The following CTNNA3 variants were observed in gnomAD, a reference collection of about 807,000 sequenced individuals.
The protein encoded by CTNNA3 is catenin alpha 3.
Under a neutral mutation model 95.7 loss-of-function variants are expected in CTNNA3, and 76 were observed. The ratio of observed to expected loss-of-function variants is 0.79; its 90% CI spans 0.66 to 0.96. The LOEUF is 0.96. CTNNA3 is among the 40% of genes least tolerant of loss of function. The pLI, the probability that CTNNA3 is intolerant of heterozygous loss-of-function variation, is 0.00. For synonymous variants in CTNNA3, 431 were observed against 374.4 expected (o/e 1.15, Z -1.74); for missense variants, 1,191 against 1,089.8 (o/e 1.09, Z -1.31).
intron 13 of CTNNA3, among the ~76,000 whole-genome samples, chr10:66,147,957 T>C (rs575443364): frequency 4.6e-4 from 70 of 151,740 alleles, no homozygotes; most frequent in African/African-American, 1.7e-3. Context: ...CATCACCATA[T>C]ACTTAGTCAC....
At chr10:66,331,536 T>G (rs565871219) in intron 12 of CTNNA3, among the ~76,000 whole-genome samples, 39 of 151,620 alleles carry the variant, frequency 2.6e-4, no homozygotes, top group African/African-American at 8.7e-4. Flanking sequence ...GTATTTTTAG[T>G]AGAGACGGGG....
chr10:67,588,513 A>G (rs1413251268), intron 3 of CTNNA3, among the ~76,000 whole-genome samples: 1 of 149,132 alleles, frequency 6.7e-6, no homozygotes, highest in Non-Finnish European at 1.5e-5. Flanking sequence ...TTATTAGTGG[A>G]GACTGTATTG....
intron 5 of CTNNA3, among the ~76,000 whole-genome samples, chr10:67,357,472 G>A (rs1393640073): frequency 6.6e-6 from 1 of 151,954 alleles, no homozygotes; most frequent in Non-Finnish European, 1.5e-5. Flanking sequence ...AGACACTAGA[G>A]TAAACTTAAT....
intron 10 of CTNNA3, among the ~76,000 whole-genome samples, chr10:66,547,181 G>A (rs1235530757): frequency 1.3e-5 from 2 of 151,830 alleles, no homozygotes; most frequent in African/African-American, 4.8e-5. Flanking sequence ...CTAGCCAGGA[G>A]TCACAAATGT....
intron 9 of CTNNA3, among the ~76,000 whole-genome samples, chr10:66,654,392 A>G (rs542165672): frequency 6.6e-6 from 1 of 152,242 alleles, no homozygotes; most frequent in African/African-American, 2.4e-5. Context: ...GTAAATTAAA[A>G]CTGCAATGAG....
chr10:67,077,549 C>T (rs1009551692), intron 7 of CTNNA3, among the ~76,000 whole-genome samples: 2 of 152,086 alleles, frequency 1.3e-5, no homozygotes, highest in African/African-American at 2.4e-5. Flanking sequence ...AAGCATGCTT[C>T]CTCCCACTTT....
At chr10:66,495,355 T>A (rs1464258396) in intron 11 of CTNNA3, among the ~76,000 whole-genome samples, 1 of 152,108 alleles carries the variant, frequency 6.6e-6, no homozygotes, top group Non-Finnish European at 1.5e-5. Context: ...GATATTAAAC[T>A]TTATTTTAAA....
chr10:67,655,948 A>C (rs1445819443), intron 1 of CTNNA3, among the ~76,000 whole-genome samples: 1 of 152,198 alleles, frequency 6.6e-6, no homozygotes, highest in Non-Finnish European at 1.5e-5. Flanking sequence ...TCATCACAAG[A>C]AGATTTAAGT....
intron 9 of CTNNA3, among the ~76,000 whole-genome samples, chr10:66,704,809 T>C (rs1345510191): frequency 6.6e-6 from 1 of 152,188 alleles, no homozygotes; most frequent in Non-Finnish European, 1.5e-5. Context: ...TTCCATCATA[T>C]TTTCTACATA....
At chr10:66,524,634 G>C (rs189809759) in intron 10 of CTNNA3, among the ~76,000 whole-genome samples, 14 of 152,276 alleles carry the variant, frequency 9.2e-5, no homozygotes, top group African/African-American at 3.4e-4. Context: ...TTTCTGTAAA[G>C]AGCAGCCATC....
intron 5 of CTNNA3, among the ~76,000 whole-genome samples, chr10:67,365,442 C>T (rs1843173026): frequency 6.6e-6 from 1 of 151,946 alleles, no homozygotes; most frequent in African/African-American, 2.4e-5. Flanking sequence ...ACAGGCAACC[C>T]ACATAAAGGG....
At chr10:67,449,114 C>T (rs1476993323) in intron 5 of CTNNA3, among the ~76,000 whole-genome samples, 1 of 151,902 alleles carries the variant, frequency 6.6e-6, no homozygotes, top group Non-Finnish European at 1.5e-5. Flanking sequence ...CCTAGGAATA[C>T]AGCTAACAAG....
chr10:67,150,421 A>G, intron 7 of CTNNA3, among the ~76,000 whole-genome samples: 1 of 152,180 alleles, frequency 6.6e-6, no homozygotes, highest in East Asian at 1.9e-4. Context: ...TATTTTGGCC[A>G]TTTGCTTAAA....
At chr10:66,009,335 A>T (rs980336670) in intron 15 of CTNNA3, among the ~76,000 whole-genome samples, 3 of 152,148 alleles carry the variant, frequency 2.0e-5, no homozygotes, top group Non-Finnish European at 2.9e-5. Context: ...AATGGGTCGC[A>T]CTTAAGGAGG....
chr10:67,491,424 T>C, intron 5 of CTNNA3, among the ~76,000 whole-genome samples: 1 of 152,188 alleles, frequency 6.6e-6, no homozygotes, highest in East Asian at 1.9e-4. Flanking sequence ...GATAAAAGTA[T>C]ACAGGAAATC....
At chr10:65,927,876 T>G (rs1201262687) in intron 17 of CTNNA3, among the ~76,000 whole-genome samples, 1 of 152,202 alleles carries the variant, frequency 6.6e-6, no homozygotes, top group Non-Finnish European at 1.5e-5. Context: ...TAACAAACTG[T>G]TGACCAAAGT....
chr10:67,040,097 C>T (rs1408413876), intron 7 of CTNNA3, among the ~76,000 whole-genome samples: 1 of 152,106 alleles, frequency 6.6e-6, no homozygotes, highest in Non-Finnish European at 1.5e-5. Flanking sequence ...AGCAATCATT[C>T]TAGCAGTATT....
chr10:67,432,130 C>T (rs1189936337), intron 5 of CTNNA3, among the ~76,000 whole-genome samples: 1 of 151,862 alleles, frequency 6.6e-6, no homozygotes, highest in Non-Finnish European at 1.5e-5. Flanking sequence ...CGCTAAATGC[C>T]TATATTAGAA....
chr10:65,926,791 T>A (rs182771218), intron 17 of CTNNA3, among the ~76,000 whole-genome samples: 1 of 151,426 alleles, frequency 6.6e-6, no homozygotes, highest in Non-Finnish European at 1.5e-5. Flanking sequence ...TTCATCTACA[T>A]TTTTTTTCCC....
Sources: allele counts gnomAD v4.1 joint callset (sites outside exome capture counted in the v4.1 genomes callset), GRCh38; gene constraint gnomAD v4.1.1; transcripts MANE v1.5; gene names NCBI Gene and HGNC (gene_info 2026-07-23, HGNC 2026-07-21).